Variants in CTNND2 observed in about 807,000 individuals in gnomAD.
CTNND2 encodes the protein catenin delta-2.
A neutral mutation model predicts 144.4 loss-of-function variants in CTNND2; 22 were observed. The ratio of observed to expected loss-of-function variants is 0.15; its 90% confidence interval spans 0.11 to 0.22. CTNND2 has a LOEUF of 0.22. CTNND2 is among the 10% of genes least tolerant of loss of function. The pLI is 1.00. For missense variants in CTNND2, 1,353 were observed against 1,618.8 expected, an observed-to-expected ratio of 0.84 and a Z score of 2.82; for synonymous variants, 751 against 695.6, an observed-to-expected ratio of 1.08 and a Z score of -1.25.
chr5:11,776,090 A>T (rs34454992), intron 1 of CTNND2, among the ~76,000 whole-genome samples: 1 of 152,122 alleles, frequency 6.6e-6, no homozygotes, highest in Non-Finnish European at 1.5e-5. Context: ...TGGGTTTAGA[A>T]CTTCCAGCCT....
intron 9 of CTNND2, among the ~76,000 whole-genome samples, chr5:11,296,543 C>T (rs1263314634): frequency 1.3e-5 from 2 of 151,970 alleles, no homozygotes; most frequent in African/African-American, 2.4e-5. Flanking sequence ...CGTATGTTTA[C>T]TGCGGCACTA....
At chr5:11,530,699 A>G (rs1773674584) in intron 3 of CTNND2, among the ~76,000 whole-genome samples, 1 of 152,166 alleles carries the variant, frequency 6.6e-6, no homozygotes, top group Non-Finnish European at 1.5e-5. Context: ...GCAGAGCCTT[A>G]ACAATATTTC....
chr5:11,584,384 A>G (rs1778664773), intron 2 of CTNND2, among the ~76,000 whole-genome samples: 1 of 145,462 alleles, frequency 6.9e-6, no homozygotes, highest in Non-Finnish European at 1.5e-5. Context: ...AACACTTAAA[A>G]TTAGTTTTTG....
chr5:11,889,781 T>TTTA (rs1300964108), intron 1 of CTNND2, among the ~76,000 whole-genome samples: 4 of 152,184 alleles, frequency 2.6e-5, no homozygotes, highest in Non-Finnish European at 4.4e-5. Flanking sequence ...CTTCTAACAT[T>TTTA]TTATTACATT....
chr5:11,859,129 C>G lies in CTNND2; in HGVS notation c.37+44688G>C, dbSNP rs1582018071. On this transcript the variant is annotated intron_variant, in intron 1 of 21. Transcript: ENST00000304623. ...AACTCAGACACACACTGAACCACTG[C>G]AAGAGCATCTCCTTCACGACTGTCT... Among the ~76,000 whole-genome samples, 4 of 152,328 alleles carry G rather than the reference C, an allele frequency of 2.6e-5. No individual in the cohort carries two copies. In the South Asian group the frequency reaches 8.3e-4, roughly 32 times the overall value.
intron 16 of CTNND2, among the ~76,000 whole-genome samples, chr5:11,066,475 C>T (rs1198442779): frequency 6.6e-6 from 1 of 150,958 alleles, no homozygotes; most frequent in Non-Finnish European, 1.5e-5. Flanking sequence ...CCACCCTGAC[C>T]CCTGCCATCC....
At chr5:11,596,278 T>G (rs1341246210) in intron 2 of CTNND2, among the ~76,000 whole-genome samples, 1 of 152,222 alleles carries the variant, frequency 6.6e-6, no homozygotes, top group African/African-American at 2.4e-5. Context: ...TTTCAATTTT[T>G]TGCATAATTA....
chr5:11,576,652 C>G (rs537267180), intron 2 of CTNND2, among the ~76,000 whole-genome samples: 6 of 152,274 alleles, frequency 3.9e-5, no homozygotes, highest in East Asian at 3.9e-4. Context: ...AAAATAAACT[C>G]AGTCATAAAA....
At chr5:11,809,622 C>T (rs10050848) in intron 1 of CTNND2, among the ~76,000 whole-genome samples, 15,137 of 152,154 alleles carry the variant, frequency 0.099, 1,778 homozygotes, top group African/African-American at 0.28. Flanking sequence ...GGGACTTCAT[C>T]ATCATCGCCA....
intron 2 of CTNND2, among the ~76,000 whole-genome samples, chr5:11,697,703 C>T (rs1785203883): frequency 6.6e-6 from 1 of 152,152 alleles, no homozygotes; most frequent in Admixed American, 6.5e-5. Flanking sequence ...TGGGTTTTAA[C>T]CCCAGCAGTT....
intron 10 of CTNND2, among the ~76,000 whole-genome samples, chr5:11,214,541 A>T (rs953055667): frequency 3.9e-5 from 6 of 152,144 alleles, no homozygotes; most frequent in African/African-American, 1.4e-4. Context: ...TTTTATTTCT[A>T]CATTCTGCAC....
chr5:11,561,785 T>C (rs1776702829), intron 3 of CTNND2, among the ~76,000 whole-genome samples: 1 of 152,192 alleles, frequency 6.6e-6, no homozygotes, highest in African/African-American at 2.4e-5. Context: ...CTCATGCCTG[T>C]AGTCCCAGCA....
intron 16 of CTNND2, among the ~76,000 whole-genome samples, chr5:11,061,711 T>C (rs1747000551): frequency 6.7e-6 from 1 of 148,908 alleles, no homozygotes; most frequent in African/African-American, 2.6e-5. Context: ...TATTGTTTTC[T>C]TTCTCTTTTT....
At chr5:11,447,429 C>G (rs950624791) in intron 3 of CTNND2, among the ~76,000 whole-genome samples, 2 of 151,838 alleles carry the variant, frequency 1.3e-5, no homozygotes, top group Non-Finnish European at 2.9e-5. Flanking sequence ...AAATCAGAAG[C>G]TTTGACTATG....
In CTNND2 at chr5:11,538,345, C is replaced by T. The variant is rs558919535; in HGVS notation, c.287+26599G>A. 5.9e-5 allele frequency among the ~76,000 whole-genome samples: 9 copies of T among 152,200 alleles called. No homozygotes were observed. The East Asian group carries it at 1.2e-3, about 20-fold the overall frequency. On this transcript the variant is annotated intron_variant, in intron 3 of 21. Coordinates refer to ENST00000304623, the MANE Select transcript of CTNND2 (RefSeq NM_001332.4). ...CTCTGCTTGTTGTGGAATAATTTTC[C>T]GTCAACAAGTAATGCCCATTAAAAG...
chr5:11,461,481 C>T (rs1440167495), intron 3 of CTNND2, among the ~76,000 whole-genome samples: 2 of 152,126 alleles, frequency 1.3e-5, no homozygotes, highest in African/African-American at 4.8e-5. Flanking sequence ...TAGAAATAGG[C>T]ATGTCTCAAA....
chr5:11,171,782 A>T (rs1024040133), intron 11 of CTNND2, among the ~76,000 whole-genome samples: 2 of 152,130 alleles, frequency 1.3e-5, no homozygotes, highest in Non-Finnish European at 2.9e-5. Flanking sequence ...GTTCTATGGG[A>T]GAGGGAGGTC....
chr5:11,055,118 G>A (rs544010716), intron 16 of CTNND2, among the ~76,000 whole-genome samples: 40 of 152,266 alleles, frequency 2.6e-4, no homozygotes, highest in African/African-American at 8.9e-4. Flanking sequence ...AATGAATAAC[G>A]GTTGGAGAAG....
At chr5:11,825,664 T>C (rs980149403) in intron 1 of CTNND2, among the ~76,000 whole-genome samples, 2 of 152,094 alleles carry the variant, frequency 1.3e-5, no homozygotes, top group Non-Finnish European at 2.9e-5. Flanking sequence ...TTTATCATTA[T>C]TAATAATATT....
Sources: gnomAD v4.1 joint callset for allele counts (sites outside exome capture counted in the v4.1 genomes callset) on GRCh38, gnomAD v4.1.1 for gene constraint, MANE v1.5 for transcripts, NCBI Gene and HGNC (gene_info 2026-07-23, HGNC 2026-07-21) for gene names.